Variants in ADGRG2 observed in about 807,000 individuals in gnomAD.
ADGRG2 encodes the protein adhesion G protein-coupled receptor G2, also known as G protein-coupled receptor 64.
Under a neutral mutation model 74.1 loss-of-function variants are expected in ADGRG2, and 26 were observed. The observed-to-expected ratio is 0.35, with a 90% confidence interval of 0.26 to 0.49. The LOEUF is 0.49. Among genes scored for constraint, ADGRG2 ranks in the 20% least tolerant of loss-of-function variants. The probability of loss-of-function intolerance (pLI) is 0.99; values close to 1 mark genes in which losing one functional copy is unlikely to be tolerated. For missense variants in ADGRG2, 619 were observed against 763.1 expected (o/e 0.81, Z 2.22); for synonymous variants, 296 against 295.2 (o/e 1.00, Z -0.03).
intron 2 of ADGRG2, among the ~76,000 whole-genome samples, chrX:19,073,328 A>C (rs1175431367): frequency 8.9e-6 from 1 of 112,010 alleles, no homozygotes; most frequent in Non-Finnish European, 1.9e-5. Flanking sequence ...TTAAGGTGCT[A>C]AGGATGGCTA....
intron 2 of ADGRG2, among the ~76,000 whole-genome samples, chrX:19,069,499 G>A (rs959546030): frequency 5.4e-5 from 6 of 110,850 alleles, no homozygotes; most frequent in African/African-American, 2.0e-4. Flanking sequence ...GCCTGGACCC[G>A]CAGCCAAAAG....
At chrX:19,031,108 A>C (rs2060815710) in intron 8 of ADGRG2, 71 bp from the exon 9 acceptor site, 1 of 742,913 alleles carries the variant, frequency 1.3e-6, no homozygotes, top group Non-Finnish European at 2.1e-6. Context: ...TTGTCAAGAG[A>C]ATTCATAAAC....
At chrX:18,997,876 A>G (rs2060047382) in intron 26 of ADGRG2, among the ~76,000 whole-genome samples, 2 of 112,666 alleles carry the variant, frequency 1.8e-5, no homozygotes, top group Admixed American at 1.9e-4. Context: ...CCAAAAGAGG[A>G]TTCAGAATAA....
chrX:19,093,937 A>ACC (rs1555910645), intron 1 of ADGRG2, among the ~76,000 whole-genome samples: 1 of 105,689 alleles, frequency 9.5e-6, no homozygotes, highest in Non-Finnish European at 1.9e-5. Flanking sequence ...ACACACACAC[A>ACC]CCCCATGGAA....
intron 12 of ADGRG2, 65 bp downstream of exon 12, chrX:19,023,844 A>G: frequency 1.3e-6 from 1 of 762,799 alleles, no homozygotes; most frequent in South Asian, 2.2e-5. Context: ...GGAATGCAGA[A>G]CCCTATGCTT....
At chrX:19,066,914 C>T (rs2061578344) in intron 3 of ADGRG2, among the ~76,000 whole-genome samples, 2 of 111,595 alleles carry the variant, frequency 1.8e-5, no homozygotes. Flanking sequence ...CTTCATCTGT[C>T]TGATTCTCTA....
Position 19,093,059 on chromosome X carries a change from G to A in ADGRG2, c.-46-10313C>T, listed in dbSNP as rs144154619. Reference sequence around the variant, plus strand: ...TGGTGCCCAAATAGAAAAGGGGATCGTGTTTTATTCTGAAATCTCATCCAT... The same window carrying A: ...TGGTGCCCAAATAGAAAAGGGGATCATGTTTTATTCTGAAATCTCATCCAT... On this transcript the variant is annotated intron_variant, in intron 1 of 28. Coordinates refer to ENST00000379869, the MANE Select transcript of ADGRG2 (RefSeq NM_001079858.3). 9.9e-3 allele frequency among the ~76,000 whole-genome samples: 1,111 copies of A among 111,682 alleles called. 10 individuals carry two copies. The highest frequency in any genetic ancestry group is 0.024 in the African/African-American group (746 of 30,735).
intron 18 of ADGRG2, among the ~76,000 whole-genome samples, chrX:19,008,851 G>A (rs2146558457): frequency 9.0e-6 from 1 of 111,533 alleles, no homozygotes; most frequent in East Asian, 2.8e-4. Flanking sequence ...ACCATGTGCA[G>A]TACACTTGTA....
At chrX:19,017,481 T>A (rs1433926522) in intron 15 of ADGRG2, among the ~76,000 whole-genome samples, 1 of 111,472 alleles carries the variant, frequency 9.0e-6, no homozygotes, top group Non-Finnish European at 1.9e-5. Context: ...CCACTAGGGG[T>A]CAGTGGGGCT....
chrX:19,011,738 G>A (rs1010271731), intron 16 of ADGRG2, among the ~76,000 whole-genome samples: 2 of 111,626 alleles, frequency 1.8e-5, no homozygotes, highest in African/African-American at 3.3e-5. Context: ...CCAGTTACTC[G>A]GGAGGCTGAG....
At chrX:19,094,757 C>A (rs1007117187) in intron 1 of ADGRG2, among the ~76,000 whole-genome samples, 2 of 112,694 alleles carry the variant, frequency 1.8e-5, no homozygotes, top group Admixed American at 9.3e-5. Flanking sequence ...CCGGTTCCAC[C>A]GGAAGCGGAG....
At chrX:19,102,529 C>A (rs142495273) in intron 1 of ADGRG2, among the ~76,000 whole-genome samples, 3,330 of 106,923 alleles carry the variant, frequency 0.031, 131 homozygotes, top group African/African-American at 0.11. Flanking sequence ...GTTCTGTGCT[C>A]ATTTAAATTA....
intron 25 of ADGRG2, 104 bp downstream of exon 25, chrX:18,999,757 T>C (rs779473672): frequency 1.8e-6 from 1 of 556,579 alleles, no homozygotes; most frequent in East Asian, 3.3e-5. Flanking sequence ...CTGGGTTTTA[T>C]TAGGATGATA....
At chrX:19,074,778 C>T (rs1388288431) in intron 2 of ADGRG2, among the ~76,000 whole-genome samples, 3 of 107,411 alleles carry the variant, frequency 2.8e-5, no homozygotes, top group Non-Finnish European at 5.8e-5. Flanking sequence ...ACCATGTTGG[C>T]CAGGCTAGTC....
At chrX:19,106,812 C>T (rs1321673794) in intron 1 of ADGRG2, among the ~76,000 whole-genome samples, 2 of 109,319 alleles carry the variant, frequency 1.8e-5, no homozygotes, top group South Asian at 4.0e-4. Flanking sequence ...CCCAGCTACT[C>T]GGGAGGCTGA....
intron 2 of ADGRG2, among the ~76,000 whole-genome samples, chrX:19,080,673 T>G (rs914492018): frequency 4.5e-5 from 5 of 111,047 alleles, no homozygotes; most frequent in African/African-American, 1.6e-4. Flanking sequence ...TGGGTTTCTT[T>G]TATTGTTTTT....
rs58217405 is a variant in ADGRG2 at position 19,008,225 on chromosome X, A to ATTTT, written c.1423-106_1423-103dup. 23 of 493,181 alleles carry ATTTT rather than the reference A, an allele frequency of 4.7e-5. No individual in the cohort carries two copies. The African/African-American group carries it at 5.4e-4, about 12-fold the overall frequency. The allele number at this position is 493,181 out of a possible 1,213,427, so 40.6% of individuals were successfully genotyped here. On this transcript the variant is annotated intron_variant, in intron 18 of 28. Transcript: ENST00000379869. ...TGCAAAAGTAATTGCAGTATGTGCC[A>ATTTT]TTTTTTTTTTAAAAAAAGATAAAAA...
chrX:19,111,236 G>A (rs1375884953), intron 1 of ADGRG2, among the ~76,000 whole-genome samples: 2 of 111,144 alleles, frequency 1.8e-5, no homozygotes, highest in Non-Finnish European at 3.8e-5. Flanking sequence ...AAAATATTGA[G>A]TTTGAGATGC....
At chrX:19,078,111 C>G (rs959333502) in intron 2 of ADGRG2, among the ~76,000 whole-genome samples, 25 of 112,320 alleles carry the variant, frequency 2.2e-4, no homozygotes, top group African/African-American at 8.1e-4. Flanking sequence ...TCCAGACCAA[C>G]AGAAAAGTCT....
Sources: allele counts gnomAD v4.1 joint callset (sites outside exome capture counted in the v4.1 genomes callset), GRCh38; gene constraint gnomAD v4.1.1; transcripts MANE v1.5; gene names NCBI Gene and HGNC (gene_info 2026-07-23, HGNC 2026-07-21).